PCDHA4: variants seen among roughly 807,000 people sequenced by gnomAD.
PCDHA4 encodes the protein protocadherin alpha-4.
In PCDHA4, 49 loss-of-function variants were observed where a neutral mutation model predicts 61.4. That is an observed-to-expected ratio of 0.80 (90% confidence interval 0.63 to 1.01). The LOEUF is 1.01. Among genes scored for constraint, PCDHA4 ranks in the 50% least tolerant of loss-of-function variants. The pLI is 0.00. For missense variants in PCDHA4, 1,254 were observed against 1,235.8 expected, an observed-to-expected ratio of 1.01 and a Z score of -0.22; for synonymous variants, 590 against 550.3, an observed-to-expected ratio of 1.07 and a Z score of -1.01.
chr5:140,850,140 G>T lies in PCDHA4; in HGVS notation c.2385+40568G>T, dbSNP rs2150469344. ...GGGCGTGCCGCCTCTGGGCAGCAACGTGACGCTGCAGGTGTTCGTGCTGGA... is the reference window on the plus strand; with the variant it reads ...GGGCGTGCCGCCTCTGGGCAGCAACTTGACGCTGCAGGTGTTCGTGCTGGA... On this transcript the variant is annotated intron_variant, in intron 1 of 3. Transcript: ENST00000530339. 66 of 1,595,706 alleles carry T rather than the reference G, an allele frequency of 4.1e-5. 9 individuals are homozygous for T. Among genetic ancestry groups the T allele is most frequent in the East Asian group, 6.7e-5 (3 of 44,838 alleles).
chr5:140,929,143 T>C (rs2085863317), intron 1 of PCDHA4: 1 of 1,614,234 alleles, frequency 6.2e-7, no homozygotes, highest in Non-Finnish European at 8.5e-7. Context: ...TGAGAGACTT[T>C]CTCAGACTTA....
chr5:140,862,415 G>T (rs1382532896), intron 1 of PCDHA4: 12 of 348,784 alleles, frequency 3.4e-5, no homozygotes, highest in Admixed American at 1.9e-4. Context: ...TTCAAAAGGC[G>T]CTGCCCAGAA....
chr5:140,966,205 CT>C, intron 1 of PCDHA4: 1 of 226,680 alleles, frequency 4.4e-6, no homozygotes. Flanking sequence ...GGCTTGACTG[CT>C]TTTCCCAGAC....
intron 1 of PCDHA4, chr5:140,875,698 G>T: frequency 6.2e-7 from 1 of 1,614,084 alleles, no homozygotes; most frequent in Non-Finnish European, 8.5e-7. Flanking sequence ...GGACCTTCTG[G>T]AGGTAAATCT....
intron 1 of PCDHA4, among the ~76,000 whole-genome samples, chr5:140,939,496 T>C (rs1056805885): frequency 4.6e-5 from 7 of 150,952 alleles, no homozygotes; most frequent in African/African-American, 1.5e-4. Context: ...AATTATAAAT[T>C]CAATGTCTAT....
chr5:140,810,561 A>G (rs1764683716), intron 1 of PCDHA4: 1 of 152,194 alleles, frequency 6.6e-6, no homozygotes, highest in Non-Finnish European at 1.5e-5. Context: ...ATTATTTTAT[A>G]TTTAAATGAA....
chr5:140,928,732 A>G, intron 1 of PCDHA4: 1 of 1,614,114 alleles, frequency 6.2e-7, no homozygotes, highest in South Asian at 1.1e-5. Context: ...AATTTCAGCC[A>G]ATATAGGTGA....
In PCDHA4 at chr5:140,876,087, G is replaced by T. The variant is rs1554168252; in HGVS notation, c.2385+66515G>T. ...GGAAGTTATTGGACAGAGAGCAAAC[G>T]CCAAAACTCAATTTATTGCTGATGG... On this transcript the variant is annotated intron_variant, in intron 1 of 3. Coordinates refer to ENST00000530339, the MANE Select transcript of PCDHA4 (RefSeq NM_018907.4). The T allele has an allele frequency of 1.9e-6, 3 of 1,613,922 alleles. No individual in the cohort carries two copies. The South Asian group carries it at 3.3e-5, about 18-fold the overall frequency.
At chr5:140,951,626 C>G (rs1182328214) in intron 1 of PCDHA4, among the ~76,000 whole-genome samples, 1 of 152,180 alleles carries the variant, frequency 6.6e-6, no homozygotes, top group East Asian at 1.9e-4. Context: ...AAGGGGGAAA[C>G]CTGCCCCATG....
At chr5:140,966,736 T>A in intron 1 of PCDHA4, 1 of 1,418,140 alleles carries the variant, frequency 7.1e-7, no homozygotes, top group Non-Finnish European at 9.2e-7. Context: ...CCTCCGGCCC[T>A]GCCCGGCTGC....
intron 1 of PCDHA4, chr5:140,928,749 T>A: frequency 1.2e-6 from 2 of 1,614,194 alleles, no homozygotes; most frequent in Non-Finnish European, 1.7e-6. Flanking sequence ...GTGAGCTCCG[T>A]ACTGCTCGCT....
intron 1 of PCDHA4, among the ~76,000 whole-genome samples, chr5:140,963,886 T>C (rs1211703076): frequency 6.6e-6 from 1 of 152,236 alleles, no homozygotes; most frequent in African/African-American, 2.4e-5. Flanking sequence ...TTGTTTTCCT[T>C]AATTAAAATG....
chr5:140,849,329 T>A (rs1581180148), intron 1 of PCDHA4: 2 of 1,371,780 alleles, frequency 1.5e-6, no homozygotes, highest in East Asian at 4.8e-5. Flanking sequence ...GGGATATTAT[T>A]TACTCCTTCT....
intron 3 of PCDHA4, among the ~76,000 whole-genome samples, chr5:140,996,287 A>C (rs1200123512): frequency 2.0e-5 from 3 of 152,258 alleles, no homozygotes; most frequent in African/African-American, 4.8e-5. Context: ...AAATTTCAAG[A>C]AGCACAGATT....
chr5:140,848,968 C>G (rs2150427139), intron 1 of PCDHA4: 1 of 1,605,306 alleles, frequency 6.2e-7, no homozygotes, highest in East Asian at 2.2e-5. Flanking sequence ...GAGGGCGCGT[C>G]CGATGCAGAT....
rs2150228376 is a variant in PCDHA4, at chr5:140,834,869, C to A, written c.2385+25297C>A. On this transcript the variant is annotated intron_variant, in intron 1 of 3. Transcript: ENST00000530339. ...TAGAGGGCGCGTCCGATGCAGATAT[C>A]GGGGAGAACGCCCTGCTCACTTACA... 5.6e-6 allele frequency: 9 copies of A among 1,609,116 alleles called. No homozygotes were observed. The African/African-American group carries it at 9.5e-5, about 17-fold the overall frequency.
intron 3 of PCDHA4, among the ~76,000 whole-genome samples, chr5:140,999,225 G>C (rs543011633): frequency 1.3e-5 from 2 of 152,222 alleles, no homozygotes; most frequent in Non-Finnish European, 2.9e-5. Context: ...CTACATTTGA[G>C]AATAGGTGGT....
intron 1 of PCDHA4, among the ~76,000 whole-genome samples, chr5:140,885,485 TTC>T (rs1412041657): frequency 1.3e-5 from 2 of 152,188 alleles, no homozygotes; most frequent in Admixed American, 6.5e-5. Context: ...GTGTCAAGTG[TTC>T]TGTTATCTTC....
chr5:140,809,706 G>C, intron 1 of PCDHA4, 134 bp downstream of exon 1: 1 of 1,097,712 alleles, frequency 9.1e-7, no homozygotes, highest in Non-Finnish European at 1.3e-6. Flanking sequence ...TTTAACTAAA[G>C]TCTTTTGGAA....
Sources: gnomAD v4.1 joint callset for allele counts (sites outside exome capture counted in the v4.1 genomes callset) on GRCh38, gnomAD v4.1.1 for gene constraint, MANE v1.5 for transcripts, NCBI Gene and HGNC (gene_info 2026-07-23, HGNC 2026-07-21) for gene names.